ADCK1: variants seen among roughly 807,000 people sequenced by gnomAD.
ADCK1 encodes the protein aarF domain containing kinase 1.
In ADCK1, 41 loss-of-function variants were observed where a neutral mutation model predicts 52.3. The observed-to-expected ratio is 0.78, with a 90% CI of 0.61 to 1.02. The LOEUF is 1.02. Ranked by LOEUF, ADCK1 falls within the 50% of genes least tolerant of loss-of-function variation. The pLI is 0.00. For synonymous variants in ADCK1, 250 were observed against 274.6 expected, an observed-to-expected ratio of 0.91 and a Z score of 0.89; for missense variants, 658 against 679.5, an observed-to-expected ratio of 0.97 and a Z score of 0.35.
intron 3 of ADCK1, among the ~76,000 whole-genome samples, chr14:77,828,382 A>G (rs1417129339): frequency 6.6e-6 from 1 of 152,238 alleles, no homozygotes; most frequent in African/African-American, 2.4e-5. Flanking sequence ...AACCAGCCAG[A>G]GAGGAGATCC....
intron 3 of ADCK1, among the ~76,000 whole-genome samples, chr14:77,854,982 A>T (rs2082388220): frequency 6.6e-6 from 1 of 152,232 alleles, no homozygotes; most frequent in South Asian, 2.1e-4. Context: ...TAGGTAGTAG[A>T]CAAGTAGGGA....
intron 1 of ADCK1, among the ~76,000 whole-genome samples, chr14:77,801,460 A>AT (rs2081108352): frequency 6.6e-6 from 1 of 152,320 alleles, no homozygotes; most frequent in East Asian, 1.9e-4. Context: ...TTATATACAG[A>AT]TTTTAATGTA....
chr14:77,881,671 A>T (rs751084714), intron 4 of ADCK1, among the ~76,000 whole-genome samples: 19 of 152,228 alleles, frequency 1.2e-4, no homozygotes, highest in Non-Finnish European at 2.1e-4. Context: ...TAATTAATTA[A>T]TTGTAAAGAC....
intron 4 of ADCK1, among the ~76,000 whole-genome samples, chr14:77,867,033 C>A (rs1471138978): frequency 1.3e-5 from 2 of 152,208 alleles, no homozygotes; most frequent in Non-Finnish European, 2.9e-5. Flanking sequence ...TATTGAGCAC[C>A]TCCTCTGTGC....
At chr14:77,900,281 A>G (rs967837419) in intron 6 of ADCK1, among the ~76,000 whole-genome samples, 3 of 152,082 alleles carry the variant, frequency 2.0e-5, no homozygotes, top group Non-Finnish European at 4.4e-5. Context: ...GGGTGGTGGG[A>G]GGAGTCCTTT....
chr14:77,872,337 C>G (rs1437216059), intron 4 of ADCK1, among the ~76,000 whole-genome samples: 2 of 152,188 alleles, frequency 1.3e-5, no homozygotes, highest in East Asian at 3.8e-4. Flanking sequence ...GTCACACAAG[C>G]TGCTTCTGGG....
chr14:77,859,409 C>A, intron 4 of ADCK1, 130 bp downstream of exon 4: 1 of 881,864 alleles, frequency 1.1e-6, no homozygotes, highest in Non-Finnish European at 1.7e-6. Context: ...CACAGCCACT[C>A]TCAGTGCTGA....
At chr14:77,816,097 T>G (rs1479621079) in intron 1 of ADCK1, among the ~76,000 whole-genome samples, 2 of 152,240 alleles carry the variant, frequency 1.3e-5, no homozygotes, top group Non-Finnish European at 2.9e-5. Flanking sequence ...GTGAGCTACC[T>G]CTCTTGGCCC....
chr14:77,852,881 G>GTGTA (rs1345317297), intron 3 of ADCK1, among the ~76,000 whole-genome samples: 1 of 29,606 alleles, frequency 3.4e-5, no homozygotes, highest in African/African-American at 1.6e-4. Flanking sequence ...TCTTTTATGT[G>GTGTA]TGTATATATA....
intron 3 of ADCK1, 33 bp downstream of exon 3, chr14:77,822,551 C>T: frequency 6.4e-7 from 1 of 1,552,240 alleles, no homozygotes; most frequent in South Asian, 1.1e-5. Context: ...CTGAGCCAGG[C>T]CAGGACTGGA....
At chr14:77,847,899 G>A (rs571024643) in intron 3 of ADCK1, among the ~76,000 whole-genome samples, 224 of 152,232 alleles carry the variant, frequency 1.5e-3, no homozygotes, top group African/African-American at 5.2e-3. Context: ...AACAGTTCCC[G>A]GGAGCCCAGA....
chr14:77,805,541 C>T (rs1022247790), intron 1 of ADCK1, among the ~76,000 whole-genome samples: 3 of 152,018 alleles, frequency 2.0e-5, no homozygotes, highest in East Asian at 1.9e-4. Flanking sequence ...GGATTACAGG[C>T]GTGAGCCACT....
chr14:77,818,525 G>T (rs2081511788), intron 1 of ADCK1, among the ~76,000 whole-genome samples: 1 of 152,106 alleles, frequency 6.6e-6, no homozygotes, highest in East Asian at 1.9e-4. Flanking sequence ...CGAGTGATCT[G>T]CACACCTTGG....
intron 3 of ADCK1, among the ~76,000 whole-genome samples, chr14:77,847,790 C>G (rs2082201256): frequency 6.6e-6 from 1 of 152,242 alleles, no homozygotes; most frequent in Non-Finnish European, 1.5e-5. Flanking sequence ...TTCCTTCTCA[C>G]AATGATTCCC....
chr14:77,907,604 C>T (rs763843614), intron 6 of ADCK1, among the ~76,000 whole-genome samples, 199 bp from the exon 7 acceptor site: 7 of 152,354 alleles, frequency 4.6e-5, no homozygotes, highest in Non-Finnish European at 1.0e-4. Flanking sequence ...CGGAGGCCTG[C>T]TGAGCAGAGG....
chr14:77,803,519 G>A (rs765694996), intron 1 of ADCK1, among the ~76,000 whole-genome samples: 10 of 152,154 alleles, frequency 6.6e-5, no homozygotes, highest in Non-Finnish European at 1.0e-4. Context: ...CCATTTGTAC[G>A]TCCCAGACTC....
intron 4 of ADCK1, 41 bp from the exon 5 acceptor site, chr14:77,887,050 G>T: frequency 6.7e-7 from 1 of 1,503,666 alleles, no homozygotes; most frequent in Non-Finnish European, 8.9e-7. Flanking sequence ...CACTGAACTG[G>T]GTCATCTTTT....
intron 1 of ADCK1, among the ~76,000 whole-genome samples, chr14:77,806,086 G>A (rs546982895): frequency 4.0e-5 from 6 of 150,262 alleles, no homozygotes; most frequent in South Asian, 2.1e-4. Flanking sequence ...TGAGGTGGGC[G>A]GATTGCTCGA....
At position 77,899,237 on chromosome 14, in the gene ADCK1, C is replaced by G. The variant is rs146733985; in HGVS notation, c.720C>G (p.Leu240=). The change falls in exon 6 of 11, where the codon CTC becomes CTG. Residue 240 remains leucine, a synonymous_variant. Coordinates refer to ENST00000238561, the MANE Select transcript of ADCK1 (RefSeq NM_020421.4). ...GRNAEKVSQM[L]RHFDFLKVPR... The stretch of plus-strand genomic sequence containing the variant: ...ATGCTGAGAAGGTGTCCCAGATGCT[C>G]AGGCATTTTGACTTCTTGAAGGTAG... 141 of 1,614,118 alleles carry G rather than the reference C, an allele frequency of 8.7e-5. No individual in the cohort carries two copies. The African/African-American group carries it at 1.7e-3, about 19-fold the overall frequency.
Sources: allele counts gnomAD v4.1 joint callset (sites outside exome capture counted in the v4.1 genomes callset), GRCh38; gene constraint gnomAD v4.1.1; transcripts MANE v1.5; gene names NCBI Gene and HGNC (gene_info 2026-07-23, HGNC 2026-07-21).